Variants in LYZL4 observed in about 807,000 individuals in gnomAD.
LYZL4 encodes lysozyme like 4, also known as lysozyme-like protein 4.
A neutral mutation model predicts 17.6 loss-of-function variants in LYZL4; 13 were observed. The ratio of observed to expected loss-of-function variants is 0.74; its 90% CI spans 0.48 to 1.18. LYZL4 has a LOEUF of 1.18. Ranked by LOEUF, LYZL4 falls within the 50% of genes most tolerant of loss-of-function variation. The probability of loss-of-function intolerance (pLI) is 0.00; values close to 1 mark genes in which losing one functional copy is unlikely to be tolerated. For missense variants in LYZL4, 174 were observed against 188.2 expected (o/e 0.92, Z 0.44); for synonymous variants, 64 against 67.7 (o/e 0.95, Z 0.27).
chr3:42,406,716 C>T (rs558306950), intron 3 of LYZL4, 130 bp downstream of exon 3: 5 of 1,170,832 alleles, frequency 4.3e-6, no homozygotes, highest in Non-Finnish European at 6.1e-6. Context: ...CAGGGACCCA[C>T]CCTGGATATG....
intron 4 of LYZL4, among the ~76,000 whole-genome samples, chr3:42,402,562 G>T (rs1369274880): frequency 2.0e-5 from 3 of 152,132 alleles, no homozygotes; most frequent in Non-Finnish European, 4.4e-5. Flanking sequence ...GGGAAATGCA[G>T]AGTAAAACCA....
chr3:42,391,024 G>A, the LYZL4 span, among the ~76,000 whole-genome samples: 5 of 152,180 alleles, frequency 3.3e-5, no homozygotes, highest in Middle Eastern at 3.4e-3. Flanking sequence ...CAGGTTCTCC[G>A]CTACCGAGAT....
the LYZL4 span, among the ~76,000 whole-genome samples, chr3:42,375,801 C>T: frequency 1.3e-5 from 2 of 152,174 alleles, no homozygotes; most frequent in South Asian, 4.1e-4. Context: ...TATCTTCAGG[C>T]TCCACCAGCA....
At chr3:42,373,767 G>C in the LYZL4 span, among the ~76,000 whole-genome samples, 1 of 152,194 alleles carries the variant, frequency 6.6e-6, no homozygotes, top group Non-Finnish European at 1.5e-5. Context: ...AAGGTCAGTA[G>C]ATAGAAGCTT....
the LYZL4 span, among the ~76,000 whole-genome samples, chr3:42,390,083 G>A: frequency 2.0e-5 from 3 of 152,222 alleles, no homozygotes; most frequent in Non-Finnish European, 4.4e-5. Context: ...TACAGGTAGA[G>A]ATCTATGCTG....
rs200987185 is a variant in LYZL4, at chr3:42,407,027, T to G, written c.140-29A>C. ...AGATGGAACAGAAGGTGTGTGACTC[T>G]GAGGACAGCTGGAGTTGGGGATGCT... On this transcript the variant is annotated intron_variant, in intron 2 of 4. Coordinates refer to ENST00000287748, the MANE Select transcript of LYZL4 (RefSeq NM_144634.4). 5.0e-6 allele frequency: 8 copies of G among 1,614,002 alleles called. No individual in the cohort carries two copies. The East Asian group carries it at 1.8e-4, about 36-fold the overall frequency.
chr3:42,394,693 A>G (rs1698528059), downstream of LYZL4, among the ~76,000 whole-genome samples: 1 of 152,206 alleles, frequency 6.6e-6, no homozygotes, highest in Admixed American at 6.5e-5. Flanking sequence ...AACACCCATT[A>G]TCAGTGGGCT....
At chr3:42,408,133 C>T (rs982089018) in intron 1 of LYZL4, among the ~76,000 whole-genome samples, 17 of 152,160 alleles carry the variant, frequency 1.1e-4, no homozygotes, top group African/African-American at 4.1e-4. Flanking sequence ...CCCCCCGGGC[C>T]AACTCATGCA....
intron 1 of LYZL4, among the ~76,000 whole-genome samples, chr3:42,408,469 C>T (rs940986440): frequency 6.6e-6 from 1 of 152,192 alleles, no homozygotes; most frequent in Admixed American, 6.5e-5. Flanking sequence ...CTTGAGGCCT[C>T]ACCCCGGGTG....
chr3:42,369,720 G>C, the LYZL4 span, among the ~76,000 whole-genome samples: 1 of 152,180 alleles, frequency 6.6e-6, no homozygotes, highest in Non-Finnish European at 1.5e-5. Context: ...GAATGCTTTC[G>C]ACTTGGATCC....
chr3:42,400,598 A>G (rs1698636744), intron 4 of LYZL4, among the ~76,000 whole-genome samples: 2 of 152,224 alleles, frequency 1.3e-5, no homozygotes, highest in Admixed American at 1.3e-4. Flanking sequence ...AGATTCATCA[A>G]TGATTTAATA....
chr3:42,377,457 A>G, the LYZL4 span, among the ~76,000 whole-genome samples: 3 of 152,108 alleles, frequency 2.0e-5, no homozygotes, highest in Admixed American at 6.6e-5. Flanking sequence ...TCTTCCTTAC[A>G]TGTAGGGATA....
At chr3:42,378,333 C>T in the LYZL4 span, among the ~76,000 whole-genome samples, 315 of 152,308 alleles carry the variant, frequency 2.1e-3, 4 homozygotes, top group South Asian at 6.8e-3. Flanking sequence ...CTCCCAGTGG[C>T]CTCAGAGGGT....
At chr3:42,373,243 A>G in the LYZL4 span, among the ~76,000 whole-genome samples, 1 of 152,158 alleles carries the variant, frequency 6.6e-6, no homozygotes, top group Non-Finnish European at 1.5e-5. Flanking sequence ...AGGATGCAAA[A>G]CCTAAAAGCT....
downstream of LYZL4, among the ~76,000 whole-genome samples, chr3:42,394,001 C>G (rs1007265551): frequency 6.6e-6 from 1 of 152,152 alleles, no homozygotes; most frequent in African/African-American, 2.4e-5. Context: ...CCATGTTGGC[C>G]AGGCTGGTCT....
downstream of LYZL4, among the ~76,000 whole-genome samples, chr3:42,395,878 T>C (rs1034436562): frequency 1.3e-5 from 2 of 152,012 alleles, no homozygotes; most frequent in East Asian, 3.9e-4. Context: ...CTGGCCAACA[T>C]GGTGAAACCC....
At chr3:42,387,512 G>A in the LYZL4 span, among the ~76,000 whole-genome samples, 1 of 152,116 alleles carries the variant, frequency 6.6e-6, no homozygotes, top group Non-Finnish European at 1.5e-5. Flanking sequence ...GCCACAGAGG[G>A]TGAAGCATCC....
chr3:42,393,690 G>C (rs1310025293), downstream of LYZL4, among the ~76,000 whole-genome samples: 1 of 152,234 alleles, frequency 6.6e-6, no homozygotes, highest in African/African-American at 2.4e-5. Context: ...ATCTGGAGAA[G>C]CTTTGAAAAC....
At chr3:42,374,934 T>G in the LYZL4 span, among the ~76,000 whole-genome samples, 3 of 152,060 alleles carry the variant, frequency 2.0e-5, no homozygotes, top group Non-Finnish European at 2.9e-5. Context: ...TCAGCTCCCC[T>G]GAGTGGCTGG....
Sources: gnomAD v4.1 joint callset for allele counts (sites outside exome capture counted in the v4.1 genomes callset) on GRCh38, gnomAD v4.1.1 for gene constraint, MANE v1.5 for transcripts, NCBI Gene and HGNC (gene_info 2026-07-23, HGNC 2026-07-21) for gene names.